RERE: variants seen among roughly 807,000 people sequenced by gnomAD.
RERE encodes the protein arginine-glutamic acid dipeptide repeats.
A neutral mutation model predicts 146.1 loss-of-function variants in RERE; 40 were observed. The observed-to-expected ratio is 0.27, with a 90% CI of 0.21 to 0.36. The LOEUF is 0.36. Ranked by LOEUF, RERE falls within the 10% of genes least tolerant of loss-of-function variation. The pLI is 1.00. For synonymous variants in RERE, 1,003 were observed against 866.0 expected, an observed-to-expected ratio of 1.16 and a Z score of -2.78; for missense variants, 1,933 against 2,138.7, an observed-to-expected ratio of 0.90 and a Z score of 1.90.
intron 7 of RERE, among the ~76,000 whole-genome samples, chr1:8,521,176 C>CAAAAAAAAAAAA (rs36115526): frequency 3.8e-4 from 42 of 109,912 alleles, no homozygotes; most frequent in African/African-American, 1.2e-3. Context: ...TTCTTTTTTT[C>CAAAAAAAAAAAA]AAAAAAAAAA....
chr1:8,762,700 C>T (rs568650521), intron 1 of RERE, among the ~76,000 whole-genome samples: 14 of 152,258 alleles, frequency 9.2e-5, no homozygotes, highest in African/African-American at 1.7e-4. Context: ...ATGGACTAAA[C>T]GATTCAAGAT....
rs149640940 is a variant in RERE, at chr1:8,511,545, T to A, written c.831-2870A>T. ...TATAGAATAAATGGCAAAAGTACTT[T>A]TTAGGTCCAAGATATAAAGAGGTAG... On this transcript the variant is annotated intron_variant, in intron 7 of 22. Transcript: ENST00000400908. Among the ~76,000 whole-genome samples, 622 of 152,254 alleles carry A rather than the reference T, an allele frequency of 4.1e-3. 5 individuals carry two copies. The highest frequency in any genetic ancestry group is 0.014 in the African/African-American group (596 of 41,542).
chr1:8,797,955 T>G (rs757743591), intron 1 of RERE, among the ~76,000 whole-genome samples: 7 of 152,224 alleles, frequency 4.6e-5, no homozygotes, highest in Non-Finnish European at 8.8e-5. Flanking sequence ...TGGTTGGCAC[T>G]CAATTTTAAA....
chr1:8,451,228 G>A (rs1644386860), intron 11 of RERE, among the ~76,000 whole-genome samples: 1 of 152,062 alleles, frequency 6.6e-6, no homozygotes, highest in African/African-American at 2.4e-5. Context: ...GTCAGGAGTT[G>A]GAGACTAGCC....
intron 1 of RERE, among the ~76,000 whole-genome samples, chr1:8,797,300 C>T (rs1641494660): frequency 2.0e-5 from 3 of 151,816 alleles, no homozygotes; most frequent in African/African-American, 4.8e-5. Flanking sequence ...ATTACTTGAA[C>T]CCAGGAGGCG....
chr1:8,493,374 A>C (rs1377343388), intron 10 of RERE, among the ~76,000 whole-genome samples: 3 of 152,260 alleles, frequency 2.0e-5, no homozygotes, highest in African/African-American at 7.2e-5. Flanking sequence ...GTGACAATGT[A>C]CACAAACACA....
At chr1:8,480,137 T>C (rs1239271617) in intron 10 of RERE, among the ~76,000 whole-genome samples, 2 of 100,444 alleles carry the variant, frequency 2.0e-5, no homozygotes, top group Non-Finnish European at 3.6e-5. Flanking sequence ...TGTTTTTTTT[T>C]TTTTTGTTTT....
chr1:8,771,315 A>G (rs1276749862), intron 1 of RERE, among the ~76,000 whole-genome samples: 4 of 151,828 alleles, frequency 2.6e-5, no homozygotes, highest in Non-Finnish European at 5.9e-5. Context: ...TGAGGTCAGG[A>G]GTTCGAGTCC....
At chr1:8,568,208 C>T (rs1557690352) in intron 4 of RERE, among the ~76,000 whole-genome samples, 1 of 152,220 alleles carries the variant, frequency 6.6e-6, no homozygotes, top group Non-Finnish European at 1.5e-5. Context: ...TACCTTTGGA[C>T]ATCAGAACTC....
intron 7 of RERE, among the ~76,000 whole-genome samples, chr1:8,528,249 A>T (rs1408816760): frequency 6.6e-6 from 1 of 152,174 alleles, no homozygotes; most frequent in African/African-American, 2.4e-5. Context: ...AAAAATCTTT[A>T]AAAAAGGTGA....
rs1172945620 is a variant in RERE, at chr1:8,361,110, G to T, written c.2397C>A (p.His799Gln). The change falls in exon 18 of 23, where the codon CAC (histidine) becomes CAA (glutamine). Residue 799 changes from histidine (H) to glutamine (Q), a missense_variant. Around this residue, in one of 11 missense-constraint regions of RERE, gnomAD observed 1,255 missense variants for 1,153.8 expected, o/e 1.09. Transcript: ENST00000400908. The part of the protein sequence containing the change: ...QAPTAPVPHT[H>Q]IQQAPALHPQ... ...GGTGCAAGGCCGGTGCCTGTTGGAT[G>T]TGGGTGTGGGGAACAGGCGCTGTGG... 4.2e-6 allele frequency: 6 copies of T among 1,441,824 alleles called. No homozygotes were observed. The highest frequency in any genetic ancestry group is 5.4e-6 in the Non-Finnish European group (6 of 1,101,964). 89.3% of individuals were successfully genotyped at this position (1,441,824 alleles called of 1,614,324 possible).
chr1:8,556,674 C>G, intron 5 of RERE, 103 bp from the exon 6 acceptor site: 2 of 716,466 alleles, frequency 2.8e-6, no homozygotes, highest in Non-Finnish European at 5.0e-6. Flanking sequence ...ACTAAATAAC[C>G]GGGCCTGGTT....
chr1:8,412,494 C>CTG (rs1165104659), intron 12 of RERE, among the ~76,000 whole-genome samples: 2 of 152,228 alleles, frequency 1.3e-5, no homozygotes, highest in South Asian at 4.1e-4. Context: ...ACCTCCAGTA[C>CTG]ACACATGTAT....
At chr1:8,646,163 A>T (rs1647297922) in intron 2 of RERE, among the ~76,000 whole-genome samples, 1 of 151,652 alleles carries the variant, frequency 6.6e-6, no homozygotes, top group Non-Finnish European at 1.5e-5. Context: ...TGCCTGTTAC[A>T]GGATGAGTTT....
chr1:8,601,722 T>A (rs1254612201), intron 4 of RERE, among the ~76,000 whole-genome samples: 3 of 123,126 alleles, frequency 2.4e-5, no homozygotes, highest in Non-Finnish European at 4.9e-5. Context: ...CCAACTGCCA[T>A]CATGTCCAAG....
intron 11 of RERE, among the ~76,000 whole-genome samples, chr1:8,444,466 T>C (rs1644292192): frequency 6.6e-6 from 1 of 152,210 alleles, no homozygotes; most frequent in Non-Finnish European, 1.5e-5. Flanking sequence ...GAGTTTATAC[T>C]GGAATGAGGT....
At chr1:8,375,133 A>C (rs974363455) in intron 12 of RERE, among the ~76,000 whole-genome samples, 1 of 152,154 alleles carries the variant, frequency 6.6e-6, no homozygotes, top group African/African-American at 2.4e-5. Flanking sequence ...TGAGTACCCC[A>C]CAGGTCTAAG....
At chr1:8,472,923 A>G (rs1644706862) in intron 10 of RERE, among the ~76,000 whole-genome samples, 1 of 151,000 alleles carries the variant, frequency 6.6e-6, no homozygotes, top group East Asian at 1.9e-4. Flanking sequence ...CCTCTTTTCC[A>G]CATCACTAAA....
chr1:8,757,029 G>T (rs547972447), intron 1 of RERE, among the ~76,000 whole-genome samples: 84 of 148,834 alleles, frequency 5.6e-4, no homozygotes, highest in Non-Finnish European at 1.1e-3. Flanking sequence ...GGTGGAGGTG[G>T]CATTGAGCCG....
Sources: gnomAD v4.1 joint callset for allele counts (sites outside exome capture counted in the v4.1 genomes callset) on GRCh38, gnomAD v4.1.1 for gene constraint, gnomAD v4.1.1 regional missense constraint, MANE v1.5 for transcripts, NCBI Gene and HGNC (gene_info 2026-07-23, HGNC 2026-07-21) for gene names.